AUTS2: variants seen among roughly 807,000 people sequenced by gnomAD.
AUTS2 encodes the protein activator of transcription and developmental regulator AUTS2, also known as autism susceptibility gene 2 protein.
A neutral mutation model predicts 112.4 loss-of-function variants in AUTS2; 17 were observed. The ratio of observed to expected loss-of-function variants is 0.15; its 90% CI spans 0.10 to 0.23. The LOEUF is 0.23. Ranked by LOEUF, AUTS2 falls within the 10% of genes least tolerant of loss-of-function variation. The pLI, the probability that AUTS2 is intolerant of heterozygous loss-of-function variation, is 1.00. For synonymous variants in AUTS2, 751 were observed against 702.7 expected (o/e 1.07, Z -1.09); for missense variants, 1,510 against 1,701.6 (o/e 0.89, Z 1.98).
intron 1 of AUTS2, among the ~76,000 whole-genome samples, chr7:69,680,887 C>T (rs1465817939): frequency 6.6e-6 from 1 of 152,154 alleles, no homozygotes. Context: ...CCAGGCTGGC[C>T]TTGAACTCCT....
intron 4 of AUTS2, among the ~76,000 whole-genome samples, chr7:70,275,182 G>A (rs1164966730): frequency 1.3e-5 from 2 of 152,168 alleles, no homozygotes; most frequent in East Asian, 3.9e-4. Context: ...ACAGACATGA[G>A]CTACCATGCT....
In AUTS2 at chr7:70,764,890, C is replaced by A. The variant is rs756126420; in HGVS notation, c.1353C>A (p.Pro451=). ...GCTTCACACCCACCCTCCAGCCCCC[C>A]GCACACTCACATCACCCCAATATGT... ...LHSFTPTLQP[P]AHSHHPNMFA... Residue 451 remains proline (P), a synonymous_variant, in exon 8 of 19, where the codon CCC becomes CCA. Transcript: ENST00000342771. 14 of 1,608,450 alleles carry A rather than the reference C, an allele frequency of 8.7e-6. No homozygotes were observed. Among genetic ancestry groups the A allele is most frequent in the Admixed American group, 6.7e-5 (4 of 59,596 alleles).
rs912913607 is a variant in AUTS2 at position 70,251,209 on chromosome 7, C to T, written c.660+116638C>T. Among the ~76,000 whole-genome samples the T allele has an allele frequency of 4.0e-5, 6 of 151,848 alleles. 1 individual carries two copies. Among genetic ancestry groups the T allele is most frequent in the Non-Finnish European group, 4.4e-5 (3 of 67,968 alleles). Reference sequence around the variant, plus strand: ...CCTCCCAAGTAGCTGGGATTACAGGCGCCTGCCACTACACACAGCTAATTT... The same window carrying T: ...CCTCCCAAGTAGCTGGGATTACAGGTGCCTGCCACTACACACAGCTAATTT... On this transcript the variant is annotated intron_variant, in intron 4 of 18. Coordinates refer to ENST00000342771, the MANE Select transcript of AUTS2 (RefSeq NM_015570.4).
intron 1 of AUTS2, among the ~76,000 whole-genome samples, chr7:69,757,550 A>G (rs1787991659): frequency 6.6e-6 from 1 of 152,328 alleles, no homozygotes; most frequent in East Asian, 1.9e-4. Context: ...AATGGGCAAT[A>G]CACAATGTGT....
At chr7:70,053,864 T>C (rs1236745362) in intron 2 of AUTS2, among the ~76,000 whole-genome samples, 2 of 152,152 alleles carry the variant, frequency 1.3e-5, no homozygotes, top group African/African-American at 4.8e-5. Context: ...TTCTTTTGAA[T>C]AATCAGAAGC....
At position 70,338,833 on chromosome 7, in the gene AUTS2, CTTATTTATTTATTTA is replaced by C. The variant is rs773947523; in HGVS notation, c.661-96916_661-96902del. ...ACCTAACCCATCTCCAGCCTCATCT[CTTATTTATTTATTTA>C]TTTATTTATTTATTTATTTATTTAT... On this transcript the variant is annotated intron_variant, in intron 4 of 18. Coordinates refer to ENST00000342771, the MANE Select transcript of AUTS2 (RefSeq NM_015570.4). Among the ~76,000 whole-genome samples, 1,146 of 141,072 alleles carry C rather than the reference CTTATTTATTTATTTA, an allele frequency of 8.1e-3. 17 individuals are homozygous for C. Among genetic ancestry groups the C allele is most frequent in the South Asian group, 0.065 (277 of 4,250 alleles). The allele number at this position is 141,072 out of a possible 152,430, so 92.5% of individuals were successfully genotyped here. A position where few individuals can be genotyped will look rare whatever the true frequency, so the allele number is the denominator to read the frequency against.
At chr7:70,754,746 T>C (rs1789085843) in intron 6 of AUTS2, among the ~76,000 whole-genome samples, 1 of 152,220 alleles carries the variant, frequency 6.6e-6, no homozygotes, top group African/African-American at 2.4e-5. Context: ...ATAATAAAAA[T>C]AGGACATGTC....
chr7:69,823,151 A>G (rs1791073196), intron 1 of AUTS2, among the ~76,000 whole-genome samples: 1 of 152,048 alleles, frequency 6.6e-6, no homozygotes, highest in African/African-American at 2.4e-5. Context: ...CTATCCTTAC[A>G]CTTGAGTTTC....
intron 5 of AUTS2, among the ~76,000 whole-genome samples, chr7:70,605,546 C>CTCTTTTTTTTTTTTTTTTT (rs1554440368): frequency 1.4e-5 from 1 of 70,664 alleles, no homozygotes; most frequent in African/African-American, 6.6e-5. Context: ...CCTTCTTTCT[C>CTCTTTTTTTTTTTTTTTTT]TTTTTTTTTT....
chr7:70,349,484 T>C (rs182855249), intron 4 of AUTS2, among the ~76,000 whole-genome samples: 1 of 152,348 alleles, frequency 6.6e-6, no homozygotes, highest in Non-Finnish European at 1.5e-5. Context: ...TGAAGGACTT[T>C]TTTTGTGGCT....
At chr7:69,778,217 G>T (rs747432072) in intron 1 of AUTS2, among the ~76,000 whole-genome samples, 60 of 142,886 alleles carry the variant, frequency 4.2e-4, no homozygotes, top group Non-Finnish European at 7.2e-4. Flanking sequence ...AAATCACAGG[G>T]CCTTATCCCC....
At chr7:70,216,460 C>T (rs945258222) in intron 4 of AUTS2, among the ~76,000 whole-genome samples, 2 of 152,206 alleles carry the variant, frequency 1.3e-5, no homozygotes, top group Non-Finnish European at 2.9e-5. Context: ...ACCCCTCTTT[C>T]CCTTCCACTT....
intron 5 of AUTS2, among the ~76,000 whole-genome samples, chr7:70,512,004 A>G (rs1799216050): frequency 6.6e-6 from 1 of 152,262 alleles, no homozygotes; most frequent in South Asian, 2.1e-4. Context: ...CAAAGTAAAT[A>G]CAAAATTTCT....
chr7:69,782,119 G>A (rs1446673505), intron 1 of AUTS2, among the ~76,000 whole-genome samples: 2 of 152,092 alleles, frequency 1.3e-5, no homozygotes, highest in Non-Finnish European at 2.9e-5. Context: ...AATTGCAGCA[G>A]TTTGGGAGGC....
chr7:70,520,334 C>A (rs1465167602), intron 5 of AUTS2, among the ~76,000 whole-genome samples: 1 of 152,218 alleles, frequency 6.6e-6, no homozygotes, highest in East Asian at 1.9e-4. Flanking sequence ...AAGGTCTTCC[C>A]TGATCTGGCA....
chr7:70,230,074 GAGAT>G (rs1374438504), intron 4 of AUTS2, among the ~76,000 whole-genome samples: 1 of 151,540 alleles, frequency 6.6e-6, no homozygotes, highest in Non-Finnish European at 1.5e-5. Context: ...GGCTCCCTCA[GAGAT>G]AGTATCTATT....
chr7:70,604,096 A>G (rs185405565), intron 5 of AUTS2, among the ~76,000 whole-genome samples: 17 of 152,200 alleles, frequency 1.1e-4, no homozygotes, highest in Non-Finnish European at 1.8e-4. Flanking sequence ...CCACTCAATA[A>G]ATATCGACTG....
At chr7:70,114,247 G>C (rs138136873) in intron 2 of AUTS2, among the ~76,000 whole-genome samples, 1 of 152,196 alleles carries the variant, frequency 6.6e-6, no homozygotes, top group Non-Finnish European at 1.5e-5. Context: ...AGTATGTAAA[G>C]GCTGATGGTA....
At chr7:69,634,934 G>A (rs566982373) in intron 1 of AUTS2, among the ~76,000 whole-genome samples, 3 of 152,048 alleles carry the variant, frequency 2.0e-5, no homozygotes, top group Non-Finnish European at 4.4e-5. Context: ...ATGAGTGTGT[G>A]ATTTTTCAGG....
Sources: gnomAD v4.1 joint callset for allele counts (sites outside exome capture counted in the v4.1 genomes callset) on GRCh38, gnomAD v4.1.1 for gene constraint, MANE v1.5 for transcripts, NCBI Gene and HGNC (gene_info 2026-07-23, HGNC 2026-07-21) for gene names.